OR2D2: variants seen among roughly 807,000 people sequenced by gnomAD.
OR2D2 encodes the protein olfactory receptor family 2 subfamily D member 2, also known as olfactory receptor 2D2.
In OR2D2, 20 loss-of-function variants were observed where a neutral mutation model predicts 16.0. That is an observed-to-expected ratio of 1.25 (90% CI 0.88 to 1.82). The LOEUF is 1.82. Among genes scored for constraint, OR2D2 ranks in the 40% most tolerant of loss-of-function variants. OR2D2 has a pLI of 0.00. For synonymous variants in OR2D2, 164 were observed against 143.9 expected (o/e 1.14, Z -1.00); for missense variants, 409 against 369.3 (o/e 1.11, Z -0.88).
rs1361118902 is a variant in OR2D2, at chr11:6,892,454, C to A, written c.47G>T (p.Gly16Val). 6.2e-7 allele frequency: 1 copy of A among 1,612,646 alleles called. No individual in the cohort carries two copies. Among genetic ancestry groups the A allele is most frequent in the Non-Finnish European group, 8.5e-7 (1 of 1,179,188 alleles). ...CTCGGTGTGTGGCCCATCAGAGAGT[C>A]CCAGAAGGAGGAATTCTGTCACTTG... ...QTQVTEFLLL[G>V]LSDGPHTEQL... The change falls in exon 1 of 1, where the codon GGA (glycine) becomes GTA (valine). Residue 16 changes from glycine (G) to valine (V), a missense_variant. Gly to Val is a moderately radical substitution (Grantham distance 109, BLOSUM62 -3). Coordinates refer to ENST00000299459, the MANE Select transcript of OR2D2 (RefSeq NM_003700.1).
rs201036032 is a variant in OR2D2 at position 6,891,804 on chromosome 11, C to T, written c.697G>A (p.Gly233Arg). ...CAGGTAGAAAATGCCTTGAGACTCC[C>T]CACAGTTGACTTCATCTTGACCACA... The part of the protein sequence containing the change: ...VTVVKMKSTV[G>R]SLKAFSTCGS... The change falls in exon 1 of 1, where the codon GGG becomes AGG. Residue 233 changes from glycine (G) to arginine (R), a missense_variant. Physicochemically the swap from Gly to Arg is moderately radical, Grantham distance 125. Transcript: ENST00000299459. The T allele has an allele frequency of 6.1e-5, 99 of 1,613,646 alleles. 3 individuals carry two copies. The South Asian group carries it at 1.1e-3, about 18-fold the overall frequency.
rs1848599307 is a variant in OR2D2 at position 6,892,067 on chromosome 11, G to T, written c.434C>A (p.Ala145Glu). The stretch of plus-strand genomic sequence containing the variant: ...AATGCCACTGGTCCATGATCCTGTT[G>T]CCAGCTGGACACACACTTTCCAGGT... ...IMTWKVCVQLATGSWTSGILV... is the reference protein window; with the variant it reads ...IMTWKVCVQLETGSWTSGILV... Residue 145 changes from alanine (A) to glutamate (E), a missense_variant, in exon 1 of 1, where the codon GCA becomes GAA. Coordinates refer to ENST00000299459, the MANE Select transcript of OR2D2 (RefSeq NM_003700.1). 1 of 1,613,824 alleles carries T rather than the reference G, an allele frequency of 6.2e-7. No individual in the cohort carries two copies. Among genetic ancestry groups the T allele is most frequent in the African/African-American group, 1.3e-5 (1 of 75,012 alleles).
In OR2D2 at chr11:6,892,231, C is replaced by T. The variant is rs141049466; in HGVS notation, c.270G>A (p.Lys90=). The T allele has an allele frequency of 5.7e-4, 920 of 1,613,872 alleles. 1 individual carries two copies. The African/African-American group carries it at 0.011, about 19-fold the overall frequency. ...QALVHLLSRK[K]VIAFTLCAAR... The stretch of plus-strand genomic sequence containing the variant: ...CTGCGCAAAGTGTGAATGCAATGAC[C>T]TTCTTTCTGGAAAGCAGGTGGACTA... Residue 90 remains lysine, a synonymous_variant, in exon 1 of 1, where the codon AAG becomes AAA. Transcript: ENST00000299459.
chr11:6,892,407 A>G lies in OR2D2; in HGVS notation c.94T>C (p.Leu32=), dbSNP rs1355835426. The G allele has an allele frequency of 1.9e-6, 3 of 1,613,662 alleles. No individual in the cohort carries two copies. The highest frequency in any genetic ancestry group is 2.7e-5 in the African/African-American group (2 of 74,882). ...AGCACAGTGACCAGGTAGACACCCA[A>G]TAATACGATAAATAGCAGCTGCTCG... ...HTEQLLFIVL[L]GVYLVTVLGN... Residue 32 remains leucine (L), a synonymous_variant, in exon 1 of 1, where the codon TTG becomes CTG. Transcript: ENST00000299459.
chr11:6,892,171 G>T lies in OR2D2; in HGVS notation c.330C>A (p.Thr110=). 6.2e-7 allele frequency: 1 copy of T among 1,613,832 alleles called. No individual in the cohort carries two copies. The highest frequency in any genetic ancestry group is 8.5e-7 in the Non-Finnish European group (1 of 1,179,862). Residue 110 remains threonine (T), a synonymous_variant, in exon 1 of 1, where the codon ACC becomes ACA. Coordinates refer to ENST00000299459, the MANE Select transcript of OR2D2 (RefSeq NM_003700.1). The part of the protein sequence containing the change: ...RLLFFLIFGC[T]QCALLAVMSY... ...ACATCACTGCAAGAAGGGCGCACTGGGTACACCCAAAAATGAGGAAAAAGA... is the reference window on the plus strand; with the variant it reads ...ACATCACTGCAAGAAGGGCGCACTGTGTACACCCAAAAATGAGGAAAAAGA...
At position 6,892,136 on chromosome 11, in the gene OR2D2, C is replaced by T. The variant is rs762745912; in HGVS notation, c.365G>A (p.Arg122His). The T allele has an allele frequency of 5.2e-5, 84 of 1,613,588 alleles. No homozygotes were observed. In the Admixed American group the frequency reaches 1.1e-3, roughly 21 times the overall value. Residue 122 changes from arginine (R) to histidine (H), a missense_variant, in exon 1 of 1, where the codon CGC becomes CAC. Arg to His is a conservative substitution (Grantham distance 29). Transcript: ENST00000299459. ...CALLAVMSYD[R>H]YVAICNPLRY... Reference sequence around the variant, plus strand: ...CAGAGGATTGCAGATTGCAACATAGCGATCATAGGACATCACTGCAAGAAG... The same window carrying T: ...CAGAGGATTGCAGATTGCAACATAGTGATCATAGGACATCACTGCAAGAAG...
At position 6,891,965 on chromosome 11, in the gene OR2D2, C is replaced by A; in HGVS notation, c.536G>T (p.Cys179Phe). Reference sequence around the variant, plus strand: ...TAAGATCAATAGTGCAGGGGCCTCACAAAAGAAATGAGCAATGCTGTTACT... The same window carrying A: ...TAAGATCAATAGTGCAGGGGCCTCAAAAAAGAAATGAGCAATGCTGTTACT... ...RGSNSIAHFF[C>F]EAPALLILAS... The change falls in exon 1 of 1, where the codon TGT becomes TTT. Residue 179 changes from cysteine to phenylalanine, a missense_variant. Coordinates refer to ENST00000299459, the MANE Select transcript of OR2D2 (RefSeq NM_003700.1). 6.2e-7 allele frequency: 1 copy of A among 1,613,686 alleles called. No homozygotes were observed. The highest frequency in any genetic ancestry group is 1.7e-4 in the Middle Eastern group (1 of 6,056).
At position 6,891,770 on chromosome 11, in the gene OR2D2, T is replaced by C; in HGVS notation, c.731A>G (p.His244Arg). The C allele has an allele frequency of 6.2e-7, 1 of 1,613,778 alleles. No homozygotes were observed. The highest frequency in any genetic ancestry group is 8.5e-7 in the Non-Finnish European group (1 of 1,179,846). The stretch of plus-strand genomic sequence containing the variant: ...ATAAAAAAGTATGACCACCATGAGG[T>C]GGGAGCCACAGGTAGAAAATGCCTT... ...SLKAFSTCGSHLMVVILFYGS... is the reference protein window; with the variant it reads ...SLKAFSTCGSRLMVVILFYGS... Residue 244 changes from histidine (H) to arginine (R), a missense_variant, in exon 1 of 1, where the codon CAC becomes CGC. Physicochemically the swap from His to Arg is conservative, Grantham distance 29. Transcript: ENST00000299459.
In OR2D2 at chr11:6,891,686, A is replaced by G. The variant is rs1390471305; in HGVS notation, c.815T>C (p.Val272Ala). Residue 272 changes from valine (V) to alanine (A), a missense_variant, in exon 1 of 1, where the codon GTG (valine) becomes GCG (alanine). By Grantham distance (64) the Val-to-Ala change is moderately conservative. Transcript: ENST00000299459. ...PKSSKQQEKS[V>A]SVFYAIVTPM... Reference sequence around the variant, plus strand: ...AGTCACTATTGCATAGAAAACAGACACCGATTTTTCCTGCTGTTTGGAAGA... The same window carrying G: ...AGTCACTATTGCATAGAAAACAGACGCCGATTTTTCCTGCTGTTTGGAAGA... The G allele has an allele frequency of 6.2e-7, 1 of 1,612,810 alleles. No individual in the cohort carries two copies. The highest frequency in any genetic ancestry group is 8.5e-7 in the Non-Finnish European group (1 of 1,179,744).
chr11:6,892,282 G>A lies in OR2D2; in HGVS notation c.219C>T (p.Phe73=), dbSNP rs781650072. ...LCNLSLADLC[F]STNIVPQALV... is the part of the protein sequence containing the mutation. ...GTGCCTGAGGAACTATGTTGGTAGA[G>A]AAACAGAGGTCAGCCAGAGACAAGT... The change falls in exon 1 of 1, where the codon TTC becomes TTT. Residue 73 remains phenylalanine, a synonymous_variant. Transcript: ENST00000299459. 2.9e-5 allele frequency: 47 copies of A among 1,613,762 alleles called. No homozygotes were observed. The highest frequency in any genetic ancestry group is 3.8e-5 in the Non-Finnish European group (45 of 1,179,884).
Position 6,891,656 on chromosome 11 carries a change from A to T in OR2D2, c.845T>A (p.Met282Lys). The T allele has an allele frequency of 6.2e-7, 1 of 1,613,654 alleles. No individual in the cohort carries two copies. ...VSVFYAIVTP[M>K]LNPLIYSLRN... ...CAGGCTATAGATGAGGGGATTAAGC[A>T]TGGGAGTCACTATTGCATAGAAAAC... Residue 282 changes from methionine (M) to lysine (K), a missense_variant, in exon 1 of 1, where the codon ATG (methionine) becomes AAG (lysine). By Grantham distance (95) the Met-to-Lys change is moderately conservative. Coordinates refer to ENST00000299459, the MANE Select transcript of OR2D2 (RefSeq NM_003700.1).
At position 6,891,745 on chromosome 11, in the gene OR2D2, AT is replaced by A; in HGVS notation, c.755del (p.Tyr252LeufsTer9). On this transcript the variant is annotated frameshift_variant, in exon 1 of 1. Transcript: ENST00000299459. LOFTEE classifies it high-confidence loss of function. ...TCATGTAAGTGATAATTGCTGATCC[AT>A]AAAAAAGTATGACCACCATGAGGTG... ...GSHLMVVILF[Y>X]GSAIITYMTP... The A allele has an allele frequency of 6.2e-7, 1 of 1,613,832 alleles. No individual in the cohort carries two copies. Among genetic ancestry groups the A allele is most frequent in the African/African-American group, 1.3e-5 (1 of 75,016 alleles).
Position 6,892,345 on chromosome 11 carries a change from G to A in OR2D2, c.156C>T (p.Asp52=), listed in dbSNP as rs1335325368. The change falls in exon 1 of 1, where the codon GAC becomes GAT. Residue 52 remains aspartate, a synonymous_variant. Coordinates refer to ENST00000299459, the MANE Select transcript of OR2D2 (RefSeq NM_003700.1). ...NLLLISLVHV[D]SQLHTPMYFF... ...AATACATGGGTGTGTGAAGTTGGGA[G>A]TCAACATGAACAAGGGAGATTAGAA... The A allele has an allele frequency of 3.1e-6, 5 of 1,613,758 alleles. No homozygotes were observed. The highest frequency in any genetic ancestry group is 2.5e-6 in the Non-Finnish European group (3 of 1,179,836).
Position 6,891,986 on chromosome 11 carries a change from T to C in OR2D2, c.515A>G (p.Asn172Ser), listed in dbSNP as rs754791118. Residue 172 changes from asparagine (N) to serine (S), a missense_variant, in exon 1 of 1, where the codon AAC (asparagine) becomes AGC (serine). Transcript: ENST00000299459. ...CTCACAAAAGAAATGAGCAATGCTG[T>C]TACTGCCTCGGTAGGGTAGCCTCAG... ...FILRLPYRGS[N>S]SIAHFFCEAP... 2 of 1,613,722 alleles carry C rather than the reference T, an allele frequency of 1.2e-6. No individual in the cohort carries two copies. Among genetic ancestry groups the C allele is most frequent in the Non-Finnish European group, 1.7e-6 (2 of 1,179,796 alleles).
chr11:6,891,919 T>G lies in OR2D2; in HGVS notation c.582A>C (p.Ala194=). Residue 194 remains alanine (A), a synonymous_variant, in exon 1 of 1, where the codon GCA becomes GCC. Transcript: ENST00000299459. The part of the protein sequence containing the change: ...LLILASTDTH[A]SEMAIFLMGV... Reference sequence around the variant, plus strand: ...CCATAAGAAAAATGGCCATCTCTGATGCATGGGTGTCTGTGGATGCTAAGA... The same window carrying G: ...CCATAAGAAAAATGGCCATCTCTGAGGCATGGGTGTCTGTGGATGCTAAGA... The G allele has an allele frequency of 2.5e-6, 4 of 1,613,728 alleles. No individual in the cohort carries two copies. Among genetic ancestry groups the G allele is most frequent in the Non-Finnish European group, 3.4e-6 (4 of 1,179,820 alleles).
In OR2D2 at chr11:6,892,072, C is replaced by G. The variant is rs369882223; in HGVS notation, c.429G>C (p.Gln143His). Reference protein sequence around the residue: ...PNIMTWKVCVQLATGSWTSGI... With the variant: ...PNIMTWKVCVHLATGSWTSGI... ...CACTGGTCCATGATCCTGTTGCCAGCTGGACACACACTTTCCAGGTCATGA... is the reference window on the plus strand; with the variant it reads ...CACTGGTCCATGATCCTGTTGCCAGGTGGACACACACTTTCCAGGTCATGA... Residue 143 changes from glutamine to histidine, a missense_variant, in exon 1 of 1, where the codon CAG (glutamine) becomes CAC (histidine). Transcript: ENST00000299459. 4.4e-5 allele frequency: 71 copies of G among 1,613,706 alleles called. No individual in the cohort carries two copies. Among genetic ancestry groups the G allele is most frequent in the South Asian group, 4.1e-4 (37 of 91,088 alleles).
chr11:6,891,842 C>T lies in OR2D2; in HGVS notation c.659G>A (p.Arg220His), dbSNP rs113406411. The T allele has an allele frequency of 3.9e-4, 634 of 1,613,720 alleles. 1 individual carries two copies. In the African/African-American group the frequency reaches 5.5e-3, roughly 14 times the overall value. The change falls in exon 1 of 1, where the codon CGT (arginine) becomes CAT (histidine). Residue 220 changes from arginine to histidine, a missense_variant. Coordinates refer to ENST00000299459, the MANE Select transcript of OR2D2 (RefSeq NM_003700.1). ...PVFLILVSYG[R>H]IIVTVVKMKS... ...CATCTTGACCACAGTTACTATGATA[C>T]GGCCATAGGATACCAGAATCAGAAA...
chr11:6,891,799 A>G lies in OR2D2; in HGVS notation c.702T>C (p.Ser234=). 3 of 1,613,566 alleles carry G rather than the reference A, an allele frequency of 1.9e-6. No homozygotes were observed. The highest frequency in any genetic ancestry group is 1.7e-6 in the Non-Finnish European group (2 of 1,179,800). ...AGCCACAGGTAGAAAATGCCTTGAGACTCCCCACAGTTGACTTCATCTTGA... is the reference window on the plus strand; with the variant it reads ...AGCCACAGGTAGAAAATGCCTTGAGGCTCCCCACAGTTGACTTCATCTTGA... ...TVVKMKSTVG[S]LKAFSTCGSH... is the part of the protein sequence containing the mutation. The change falls in exon 1 of 1, where the codon AGT becomes AGC. Residue 234 remains serine (S), a synonymous_variant. Coordinates refer to ENST00000299459, the MANE Select transcript of OR2D2 (RefSeq NM_003700.1).
Position 6,892,459 on chromosome 11 carries a change from A to G in OR2D2, c.42T>C (p.Leu14=). The change falls in exon 1 of 1, where the codon CTT becomes CTC. Residue 14 remains leucine (L), a synonymous_variant. Transcript: ENST00000299459. ...INQTQVTEFL[L]LGLSDGPHTE... ...TGTGTGGCCCATCAGAGAGTCCCAGAAGGAGGAATTCTGTCACTTGTGTCT... is the reference window on the plus strand; with the variant it reads ...TGTGTGGCCCATCAGAGAGTCCCAGGAGGAGGAATTCTGTCACTTGTGTCT... 6.2e-7 allele frequency: 1 copy of G among 1,612,496 alleles called. No homozygotes were observed. Among genetic ancestry groups the G allele is most frequent in the Non-Finnish European group, 8.5e-7 (1 of 1,179,080 alleles).
Sources: allele counts gnomAD v4.1 joint callset, GRCh38; gene constraint gnomAD v4.1.1; transcripts MANE v1.5; gene names NCBI Gene and HGNC (gene_info 2026-07-23, HGNC 2026-07-21).